The following SRSF6 variants were observed in gnomAD, a reference collection of about 807,000 sequenced individuals.
SRSF6 encodes serine/arginine-rich splicing factor 6.
A neutral mutation model predicts 42.0 loss-of-function variants in SRSF6; 17 were observed. The observed-to-expected ratio is 0.40, with a 90% CI of 0.28 to 0.61. SRSF6 has a LOEUF of 0.61. Among genes scored for constraint, SRSF6 ranks in the 20% least tolerant of loss-of-function variants. SRSF6 has a pLI of 0.37. For missense variants in SRSF6, 379 were observed against 471.4 expected (o/e 0.80, Z 1.81); for synonymous variants, 204 against 166.7 (o/e 1.22, Z -1.72).
rs781288521 is a variant in SRSF6 at position 43,458,384 on chromosome 20, A to G, written c.131A>G (p.Asp44Gly). 6.4e-7 allele frequency: 1 copy of G among 1,558,656 alleles called. No homozygotes were observed. Among genetic ancestry groups the G allele is most frequent in the Non-Finnish European group, 8.6e-7 (1 of 1,156,868 alleles). Reference protein sequence around the residue: ...KNGYGFVEFEDSRDADDAVYE... With the variant: ...KNGYGFVEFEGSRDADDAVYE... ...AGGTACGGCTTCGTGGAGTTCGAGG[A>G]CTCCCGCGACGCCGACGACGCCGTT... Residue 44 changes from aspartate to glycine, a missense_variant, in exon 2 of 6, where the codon GAC (aspartate) becomes GGC (glycine). This residue lies in a region of SRSF6 where 117 missense variants were observed against 146.8 expected (regional missense o/e 0.80). Transcript: ENST00000244020.
At position 43,461,163 on chromosome 20, in the gene SRSF6, T is replaced by G. The variant is rs1047925628; in HGVS notation, c.*100T>G. 63 of 1,431,674 alleles carry G rather than the reference T, an allele frequency of 4.4e-5. No individual in the cohort carries two copies. Among genetic ancestry groups the G allele is most frequent in the Non-Finnish European group, 5.4e-5 (59 of 1,094,826 alleles). 88.7% of individuals were successfully genotyped at this position (1,431,674 alleles called of 1,614,324 possible). A position where few individuals can be genotyped will look rare whatever the true frequency, so the allele number is the denominator to read the frequency against. ...GGCCTCTTCTGCAAGAGGAATCTCT[T>G]GAAAACAGGGGCACACAGAAATTTG... On this transcript the variant is annotated 3_prime_UTR_variant, in exon 6 of 6. Coordinates refer to ENST00000244020, the MANE Select transcript of SRSF6 (RefSeq NM_006275.6).
Position 43,457,910 on chromosome 20 carries a change from C to G in SRSF6, c.-124C>G, listed in dbSNP as rs1465722269. 1.1e-5 allele frequency: 8 copies of G among 738,918 alleles called. No homozygotes were observed. Among genetic ancestry groups the G allele is most frequent in the African/African-American group, 3.7e-5 (2 of 53,632 alleles). The allele number at this position is 738,918 out of a possible 1,614,324, so 45.8% of individuals were successfully genotyped here. A position where few individuals can be genotyped will look rare whatever the true frequency, so the allele number is the denominator to read the frequency against. On this transcript the variant is annotated 5_prime_UTR_variant, in exon 1 of 6. Transcript: ENST00000244020. ...GCGCGCGCGCCATTGTGTGGCTGGA[C>G]TCGGCCGCCCCTGTGGTGTGAGGCG...
chr20:43,464,230 T>TG lies in SRSF6; in HGVS notation c.*3167_*3168insG, dbSNP rs1555872849. The TG allele has an allele frequency of 6.6e-6, 1 of 152,232 alleles. No homozygotes were observed. The highest frequency in any genetic ancestry group is 1.5e-5 in the Non-Finnish European group (1 of 68,040). The allele number at this position is 152,232 out of a possible 1,614,324, so 9.4% of individuals were successfully genotyped here. A position where few individuals can be genotyped will look rare whatever the true frequency, so the allele number is the denominator to read the frequency against. The stretch of plus-strand genomic sequence containing the variant: ...AGATTCAACATTACACAATAAAACT[T>TG]AGAGTTCTTGCAATAGAGCACCTAG... On this transcript the variant is annotated 3_prime_UTR_variant, in exon 6 of 6. Transcript: ENST00000244020.
In SRSF6 at chr20:43,462,878, A is replaced by C. The variant is rs1279279080; in HGVS notation, c.*1815A>C. On this transcript the variant is annotated 3_prime_UTR_variant, in exon 6 of 6. Coordinates refer to ENST00000244020, the MANE Select transcript of SRSF6 (RefSeq NM_006275.6). ...TTTCCAGCATAAACCTCAGAATTTA[A>C]GGAAAGAAAATGATGTCTGTTGTTA... The C allele has an allele frequency of 1.3e-5, 2 of 152,672 alleles. No individual in the cohort carries two copies. Among genetic ancestry groups the C allele is most frequent in the Non-Finnish European group, 2.9e-5 (2 of 68,044 alleles). The allele number at this position is 152,672 out of a possible 1,614,324, so 9.5% of individuals were successfully genotyped here. A position where few individuals can be genotyped will look rare whatever the true frequency, so the allele number is the denominator to read the frequency against.
Position 43,462,317 on chromosome 20 carries a change from A to G in SRSF6, c.*1254A>G, listed in dbSNP as rs1458880689. The G allele has an allele frequency of 3.3e-5, 5 of 152,250 alleles. No homozygotes were observed. Among genetic ancestry groups the G allele is most frequent in the African/African-American group, 4.8e-5 (2 of 41,462 alleles). The allele number at this position is 152,250 out of a possible 1,614,324, so 9.4% of individuals were successfully genotyped here. A position where few individuals can be genotyped will look rare whatever the true frequency, so the allele number is the denominator to read the frequency against. Reference sequence around the variant, plus strand: ...GAGTTACTAGGTTAGCAATTAGTCCATACATCCATAAGCCTGATGAGTTGA... The same window carrying G: ...GAGTTACTAGGTTAGCAATTAGTCCGTACATCCATAAGCCTGATGAGTTGA... On this transcript the variant is annotated 3_prime_UTR_variant, in exon 6 of 6. Transcript: ENST00000244020.
At chr20:43,459,930 C>G (rs6030881) in intron 3 of SRSF6, 35 bp downstream of exon 3, 2 of 1,601,236 alleles carry the variant, frequency 1.2e-6, no homozygotes, top group Admixed American at 1.7e-5. Flanking sequence ...AATGATATGA[C>G]TAATGCTTTA....
At position 43,463,659 on chromosome 20, in the gene SRSF6, TG is replaced by T. The variant is rs1051230178; in HGVS notation, c.*2597del. 3.9e-5 allele frequency: 6 copies of T among 152,672 alleles called. No individual in the cohort carries two copies. Among genetic ancestry groups the T allele is most frequent in the African/African-American group, 1.4e-4 (6 of 41,472 alleles). 9.5% of individuals were successfully genotyped at this position (152,672 alleles called of 1,614,324 possible). ...CACTTAGGACCAGATTCTTAACAAA[TG>T]TTTTTTTGAATTGGAGTTTGCATTG... On this transcript the variant is annotated 3_prime_UTR_variant, in exon 6 of 6. Coordinates refer to ENST00000244020, the MANE Select transcript of SRSF6 (RefSeq NM_006275.6).
chr20:43,458,550 T>A, intron 2 of SRSF6, 41 bp downstream of exon 2: 1 of 1,421,078 alleles, frequency 7.0e-7, no homozygotes, highest in Admixed American at 3.1e-5. Flanking sequence ...TTGGGGACCC[T>A]GGGGGCGGGG....
chr20:43,458,155 G>A lies in SRSF6; in HGVS notation c.107+15G>A. On this transcript the variant is annotated intron_variant, in intron 1 of 5. Coordinates refer to ENST00000244020, the MANE Select transcript of SRSF6 (RefSeq NM_006275.6). ...CTCAAAAATGGGTGAGTCGGGCCTG[G>A]GCGCCCGCGCCCAGCGTCCCAGGCC... 1 of 1,609,634 alleles carries A rather than the reference G, an allele frequency of 6.2e-7. No homozygotes were observed. The highest frequency in any genetic ancestry group is 8.5e-7 in the Non-Finnish European group (1 of 1,177,422).
rs368170771 is a variant in SRSF6, at chr20:43,460,789, A to T, written c.761A>T (p.Asp254Val). 2 of 1,614,062 alleles carry T rather than the reference A, an allele frequency of 1.2e-6. No individual in the cohort carries two copies. The highest frequency in any genetic ancestry group is 2.7e-5 in the African/African-American group (2 of 74,916). ...RSKSKSKPKS[D>V]RGSHSHSRSR... ...AAGAGCAAATCTAAGCCCAAGTCTG[A>T]TCGGGGCTCCCATTCACATTCTCGA... The change falls in exon 6 of 6, where the codon GAT becomes GTT. Residue 254 changes from aspartate to valine, a missense_variant. Transcript: ENST00000244020.
chr20:43,459,370 T>C, intron 2 of SRSF6: 1 of 1,342,560 alleles, frequency 7.4e-7, no homozygotes, highest in Non-Finnish European at 9.9e-7. Context: ...AGGTGACTGT[T>C]ACCTTGCGTG....
rs1262388359 is a variant in SRSF6, at chr20:43,462,792, C to T, written c.*1729C>T. 1.3e-5 allele frequency: 2 copies of T among 152,340 alleles called. No individual in the cohort carries two copies. The highest frequency in any genetic ancestry group is 2.4e-5 in the African/African-American group (1 of 41,440). The allele number at this position is 152,340 out of a possible 1,614,324, so 9.4% of individuals were successfully genotyped here. On this transcript the variant is annotated 3_prime_UTR_variant, in exon 6 of 6. Coordinates refer to ENST00000244020, the MANE Select transcript of SRSF6 (RefSeq NM_006275.6). ...TGCCCCAAAAGGCGGATGCTTCTTCCATTATCTTATTTTCTTTGATACTTT... is the reference window on the plus strand; with the variant it reads ...TGCCCCAAAAGGCGGATGCTTCTTCTATTATCTTATTTTCTTTGATACTTT...
Position 43,462,923 on chromosome 20 carries a change from C to T in SRSF6, c.*1860C>T, listed in dbSNP as rs2017628280. 7 of 152,732 alleles carry T rather than the reference C, an allele frequency of 4.6e-5. No individual in the cohort carries two copies. In the South Asian group the frequency reaches 1.4e-3, roughly 32 times the overall value. 9.5% of individuals were successfully genotyped at this position (152,732 alleles called of 1,614,324 possible). A position where few individuals can be genotyped will look rare whatever the true frequency, so the allele number is the denominator to read the frequency against. On this transcript the variant is annotated 3_prime_UTR_variant, in exon 6 of 6. Coordinates refer to ENST00000244020, the MANE Select transcript of SRSF6 (RefSeq NM_006275.6). The stretch of plus-strand genomic sequence containing the variant: ...TTGTTATAGTTCATTGTTTTGCCTA[C>T]TCAGCAGAAGTGATGACTCTTAAAA...
rs972351501 is a variant in SRSF6 at position 43,462,780 on chromosome 20, G to A, written c.*1717G>A. ...TTAGGAATATAGTGCCCCAAAAGGCGGATGCTTCTTCCATTATCTTATTTT... is the reference window on the plus strand; with the variant it reads ...TTAGGAATATAGTGCCCCAAAAGGCAGATGCTTCTTCCATTATCTTATTTT... On this transcript the variant is annotated 3_prime_UTR_variant, in exon 6 of 6. Coordinates refer to ENST00000244020, the MANE Select transcript of SRSF6 (RefSeq NM_006275.6). 2 of 152,236 alleles carry A rather than the reference G, an allele frequency of 1.3e-5. No individual in the cohort carries two copies. The highest frequency in any genetic ancestry group is 2.4e-5 in the African/African-American group (1 of 41,432). The allele number at this position is 152,236 out of a possible 1,614,324, so 9.4% of individuals were successfully genotyped here. A position where few individuals can be genotyped will look rare whatever the true frequency, so the allele number is the denominator to read the frequency against.
rs1052039348 is a variant in SRSF6 at position 43,463,472 on chromosome 20, C to T, written c.*2409C>T. 2.6e-5 allele frequency: 4 copies of T among 153,440 alleles called. No homozygotes were observed. Among genetic ancestry groups the T allele is most frequent in the South Asian group, 2.1e-4 (1 of 4,868 alleles). 9.5% of individuals were successfully genotyped at this position (153,440 alleles called of 1,614,324 possible). On this transcript the variant is annotated 3_prime_UTR_variant, in exon 6 of 6. Coordinates refer to ENST00000244020, the MANE Select transcript of SRSF6 (RefSeq NM_006275.6). ...TACTTGATGGTGTTTATGAACATGC[C>T]GTAGTGCCTTTATGGCCAGTTTGAG...
chr20:43,461,370 T>G lies in SRSF6; in HGVS notation c.*307T>G, dbSNP rs932068382. The G allele has an allele frequency of 1.6e-5, 3 of 191,612 alleles. No individual in the cohort carries two copies. Among genetic ancestry groups the G allele is most frequent in the African/African-American group, 8.7e-5 (3 of 34,330 alleles). The allele number at this position is 191,612 out of a possible 1,614,324, so 11.9% of individuals were successfully genotyped here. A position where few individuals can be genotyped will look rare whatever the true frequency, so the allele number is the denominator to read the frequency against. The stretch of plus-strand genomic sequence containing the variant: ...TTTTTTTTTTTTTTTTTTTTTTTTT[T>G]TTTTAGTATTTCAGCAGGATCTGCT... On this transcript the variant is annotated 3_prime_UTR_variant, in exon 6 of 6. Transcript: ENST00000244020.
intron 2 of SRSF6, 129 bp downstream of exon 2, chr20:43,458,638 C>T: frequency 1.0e-6 from 1 of 969,292 alleles, no homozygotes; most frequent in East Asian, 3.2e-5. Context: ...CCGAGCCCCG[C>T]TGCCTTCACG....
chr20:43,460,331 T>C (rs1283621211), intron 4 of SRSF6, 90 bp downstream of exon 4: 1 of 1,464,390 alleles, frequency 6.8e-7, no homozygotes, highest in African/African-American at 1.4e-5. Context: ...CCTACTTGAA[T>C]TAAAGCCAGC....
chr20:43,458,405 C>T lies in SRSF6; in HGVS notation c.152C>T (p.Ala51Val). 1 of 1,555,338 alleles carries T rather than the reference C, an allele frequency of 6.4e-7. No individual in the cohort carries two copies. Among genetic ancestry groups the T allele is most frequent in the Non-Finnish European group, 8.7e-7 (1 of 1,154,776 alleles). Residue 51 changes from alanine (A) to valine (V), a missense_variant, in exon 2 of 6, where the codon GCC (alanine) becomes GTC (valine). Transcript: ENST00000244020. ...EFEDSRDADD[A>V]VYELNGKELC... ...GAGGACTCCCGCGACGCCGACGACG[C>T]CGTTTACGAGCTGAACGGCAAGGAG...
Sources: gnomAD v4.1 joint callset for allele counts on GRCh38, gnomAD v4.1.1 for gene constraint, gnomAD v4.1.1 regional missense constraint, MANE v1.5 for transcripts, NCBI Gene and HGNC (gene_info 2026-07-23, HGNC 2026-07-21) for gene names.